Variants in CPQ observed in about 807,000 individuals in gnomAD.
CPQ encodes the protein carboxypeptidase Q.
Under a neutral mutation model 45.7 loss-of-function variants are expected in CPQ, and 37 were observed. That is an observed-to-expected ratio of 0.81 (90% CI 0.62 to 1.07). The LOEUF is 1.07. CPQ is among the 50% of genes least tolerant of loss of function. CPQ has a pLI of 0.00. For missense variants in CPQ, 537 were observed against 572.9 expected (o/e 0.94, Z 0.64); for synonymous variants, 186 against 205.8 (o/e 0.90, Z 0.82).
chr8:96,926,265 C>T (rs1370480437), intron 4 of CPQ, among the ~76,000 whole-genome samples: 1 of 152,194 alleles, frequency 6.6e-6, no homozygotes, highest in Non-Finnish European at 1.5e-5. Context: ...ATTCCCAGTG[C>T]AGCCTTGCCC....
chr8:96,762,227 T>C (rs1283881630), intron 1 of CPQ, among the ~76,000 whole-genome samples: 1 of 152,196 alleles, frequency 6.6e-6, no homozygotes, highest in Non-Finnish European at 1.5e-5. Context: ...TTCTTATCTT[T>C]TATGTTTGAA....
At chr8:96,982,270 A>C (rs1398841108) in intron 5 of CPQ, among the ~76,000 whole-genome samples, 1 of 152,200 alleles carries the variant, frequency 6.6e-6, no homozygotes, top group African/African-American at 2.4e-5. Context: ...GATTTTTTTA[A>C]ATAAAAGAAT....
chr8:96,779,166 T>C (rs1235608298), intron 1 of CPQ, among the ~76,000 whole-genome samples: 1 of 152,008 alleles, frequency 6.6e-6, no homozygotes, highest in African/African-American at 2.4e-5. Flanking sequence ...ATTTTTTAAA[T>C]AGACTGTGAC....
intron 3 of CPQ, among the ~76,000 whole-genome samples, chr8:96,847,884 T>TGAAAA (rs1293152381): frequency 2.8e-5 from 4 of 144,164 alleles, no homozygotes; most frequent in Non-Finnish European, 6.0e-5. Flanking sequence ...TTGAGGAGTA[T>TGAAAA]GAAAAGAGCT....
chr8:96,908,747 G>GCACACACACA (rs34425501), intron 4 of CPQ, among the ~76,000 whole-genome samples: 7,837 of 140,906 alleles, frequency 0.056, 233 homozygotes, highest in Middle Eastern at 0.12. Context: ...ATACACATGC[G>GCACACACACA]CACACACACA....
chr8:96,824,148 T>G (rs1164520598), intron 2 of CPQ, among the ~76,000 whole-genome samples: 2 of 152,072 alleles, frequency 1.3e-5, no homozygotes, highest in Non-Finnish European at 2.9e-5. Context: ...GAGGATTCAA[T>G]GACCAGAAGT....
At chr8:96,654,947 T>C (rs75060231) in intron 1 of CPQ, among the ~76,000 whole-genome samples, 3 of 151,986 alleles carry the variant, frequency 2.0e-5, no homozygotes, top group East Asian at 1.9e-4. Flanking sequence ...TTTTTTTTTT[T>C]CCAGAATACA....
intron 3 of CPQ, among the ~76,000 whole-genome samples, chr8:96,840,094 T>C (rs1283682942): frequency 2.6e-5 from 4 of 152,054 alleles, no homozygotes; most frequent in Non-Finnish European, 4.4e-5. Flanking sequence ...AGAAATCTGA[T>C]TGGGGTTGGT....
At chr8:96,767,402 C>G (rs1443390357) in intron 1 of CPQ, among the ~76,000 whole-genome samples, 2 of 151,936 alleles carry the variant, frequency 1.3e-5, no homozygotes, top group Admixed American at 6.6e-5. Context: ...TTCCCTCTGT[C>G]CTCTTCCCAA....
chr8:96,704,603 C>G (rs1019858026), intron 1 of CPQ, among the ~76,000 whole-genome samples: 1 of 152,158 alleles, frequency 6.6e-6, no homozygotes, highest in Admixed American at 6.5e-5. Flanking sequence ...ATTGATATAT[C>G]TGGAGTTCAA....
intron 4 of CPQ, among the ~76,000 whole-genome samples, chr8:96,906,995 T>C (rs1421811501): frequency 1.3e-5 from 2 of 152,172 alleles, no homozygotes; most frequent in Admixed American, 6.5e-5. Flanking sequence ...TCAAGGCAGA[T>C]TGATAGAGAC....
In CPQ at chr8:96,699,545, C is replaced by T. The variant is rs140600792; in HGVS notation, c.-35+54143C>T. The stretch of plus-strand genomic sequence containing the variant: ...CTTGAGGTGATAGATACTCCACTTA[C>T]CCTGAAGTGATTATACACATTGTAT... On this transcript the variant is annotated intron_variant, in intron 1 of 7. Coordinates refer to ENST00000220763, the MANE Select transcript of CPQ (RefSeq NM_016134.4). Among the ~76,000 whole-genome samples, 439 of 152,138 alleles carry T rather than the reference C, an allele frequency of 2.9e-3. 3 individuals carry two copies. Among genetic ancestry groups the T allele is most frequent in the African/African-American group, 9.9e-3 (409 of 41,508 alleles).
intron 4 of CPQ, among the ~76,000 whole-genome samples, chr8:96,880,544 T>TACC (rs1812208810): frequency 3.4e-4 from 7 of 20,474 alleles, no homozygotes; most frequent in East Asian, 3.2e-3. Flanking sequence ...TATATATATA[T>TACC]ATATATATAT....
chr8:96,745,570 T>C (rs1443021210), intron 1 of CPQ, among the ~76,000 whole-genome samples: 1 of 152,164 alleles, frequency 6.6e-6, no homozygotes, highest in Admixed American at 6.5e-5. Context: ...AGGGAAGGGC[T>C]CATCATCCTT....
intron 6 of CPQ, among the ~76,000 whole-genome samples, chr8:97,063,939 G>C (rs141945359): frequency 2.6e-5 from 4 of 152,014 alleles, no homozygotes; most frequent in Non-Finnish European, 4.4e-5. Context: ...GGATTGCCTT[G>C]GCTATTTGGG....
In CPQ at chr8:97,066,303, G is replaced by A. The variant is rs1052671320; in HGVS notation, c.1255+93G>A. On this transcript the variant is annotated intron_variant, in intron 7 of 7. Coordinates refer to ENST00000220763, the MANE Select transcript of CPQ (RefSeq NM_016134.4). The stretch of plus-strand genomic sequence containing the variant: ...AATAGAGCACAATGAATACTAGTAG[G>A]CCAGGTTGTCCACGGAAACCTTAAG... The A allele has an allele frequency of 3.5e-6, 4 of 1,155,250 alleles. No individual in the cohort carries two copies. The African/African-American group carries it at 4.7e-5, about 14-fold the overall frequency. The allele number at this position is 1,155,250 out of a possible 1,614,324, so 71.6% of individuals were successfully genotyped here.
intron 6 of CPQ, among the ~76,000 whole-genome samples, chr8:97,044,937 C>G (rs976529458): frequency 3.3e-5 from 5 of 152,196 alleles, no homozygotes; most frequent in Non-Finnish European, 7.4e-5. Context: ...GGTCAGGGGT[C>G]AGGGACCCAC....
intron 3 of CPQ, among the ~76,000 whole-genome samples, chr8:96,854,516 G>A (rs1166687166): frequency 4.1e-5 from 2 of 48,514 alleles, no homozygotes; most frequent in African/African-American, 8.9e-5. Context: ...GGGCGACAGA[G>A]CGAGACTCCG....
At chr8:96,897,899 A>ATGCCGAAGAAGAGGAG (rs1330591455) in intron 4 of CPQ, among the ~76,000 whole-genome samples, 44 of 152,196 alleles carry the variant, frequency 2.9e-4, no homozygotes, top group Non-Finnish European at 2.9e-5. Context: ...TTTGCATACC[A>ATGCCGAAGAAGAGGAG]TGCCGAAGAA....
Sources: allele counts gnomAD v4.1 joint callset (sites outside exome capture counted in the v4.1 genomes callset), GRCh38; gene constraint gnomAD v4.1.1; transcripts MANE v1.5; gene names NCBI Gene and HGNC (gene_info 2026-07-23, HGNC 2026-07-21).